Variants in PHF13 observed in about 807,000 individuals in gnomAD.
PHF13 encodes the protein PHD zinc finger protein PHF5.
Under a neutral mutation model 25.8 loss-of-function variants are expected in PHF13, and 1 was observed. That is an observed-to-expected ratio of 0.04 (90% CI 0.01 to 0.18). The LOEUF (loss-of-function observed/expected upper bound fraction) is 0.18, where lower values mean the gene tolerates loss of function less well. Ranked by LOEUF, PHF13 falls within the 10% of genes least tolerant of loss-of-function variation. PHF13 has a pLI of 1.00. For synonymous variants in PHF13, 195 were observed against 162.4 expected, an observed-to-expected ratio of 1.20 and a Z score of -1.53; for missense variants, 306 against 403.2, an observed-to-expected ratio of 0.76 and a Z score of 2.06.
intron 3 of PHF13, 144 bp downstream of exon 3, chr1:6,620,481 C>A: frequency 1.1e-6 from 1 of 951,688 alleles, no homozygotes; most frequent in Non-Finnish European, 1.5e-6. Context: ...AGGAGAAAAG[C>A]TGCAGGAATG....
Position 6,622,162 on chromosome 1 carries a change from C to G in PHF13, c.*525C>G, listed in dbSNP as rs1247049897. 3 of 170,582 alleles carry G rather than the reference C, an allele frequency of 1.8e-5. No individual in the cohort carries two copies. The highest frequency in any genetic ancestry group is 7.1e-5 in the African/African-American group (3 of 42,098). 10.6% of individuals were successfully genotyped at this position (170,582 alleles called of 1,614,324 possible). ...GCCCTCTGCCTGCCTCAGCTGCTGC[C>G]TGACCGGCTGGGGGAGGCACTGGCG... is the stretch of plus-strand genomic sequence containing the variant. On this transcript the variant is annotated 3_prime_UTR_variant, in exon 4 of 4. Transcript: ENST00000377648.
intron 1 of PHF13, among the ~76,000 whole-genome samples, chr1:6,616,421 GTTAT>G (rs1046790452): frequency 1.3e-5 from 2 of 152,204 alleles, no homozygotes; most frequent in East Asian, 1.9e-4. Context: ...CAAAAAAGTA[GTTAT>G]TAGAGCTTCG....
chr1:6,616,501 C>T (rs1020148617), intron 1 of PHF13, among the ~76,000 whole-genome samples: 1 of 152,184 alleles, frequency 6.6e-6, no homozygotes, highest in Non-Finnish European at 1.5e-5. Flanking sequence ...AAGAAATAGA[C>T]TTTTGTAGAA....
intron 2 of PHF13, among the ~76,000 whole-genome samples, chr1:6,617,855 T>G (rs1641283893): frequency 6.6e-6 from 1 of 152,228 alleles, no homozygotes; most frequent in East Asian, 1.9e-4. Flanking sequence ...CTGAGGAAAC[T>G]AAGGCATAGA....
intron 2 of PHF13, 95 bp from the exon 3 acceptor site, chr1:6,619,708 T>G (rs575979263): frequency 7.8e-7 from 1 of 1,278,778 alleles, no homozygotes; most frequent in South Asian, 1.4e-5. Context: ...TGCAGATGTC[T>G]CTGGAGGTCT....
At chr1:6,619,253 C>T (rs1361182821) in intron 2 of PHF13, among the ~76,000 whole-genome samples, 1 of 152,190 alleles carries the variant, frequency 6.6e-6, no homozygotes, top group Non-Finnish European at 1.5e-5. Flanking sequence ...ACCTGTTGCA[C>T]ACTGATGAAT....
rs116985105 is a variant in PHF13 at position 6,616,842 on chromosome 1, T to C, written c.125T>C (p.Ile42Thr). ...CTFVLAYAGYIPYPKEELPLR... is the reference protein window; with the variant it reads ...CTFVLAYAGYTPYPKEELPLR... ...TTTGTCTTGGCCTATGCTGGCTACA[T>C]CCCTTATCCGAAGGAGGTAATCTTC... is the stretch of plus-strand genomic sequence containing the variant. The change falls in exon 2 of 4, where the codon ATC (isoleucine) becomes ACC (threonine). Residue 42 changes from isoleucine to threonine, a missense_variant. Physicochemically the swap from Ile to Thr is moderately conservative, Grantham distance 89 (BLOSUM62 -1). Transcript: ENST00000377648. 1 of 1,613,834 alleles carries C rather than the reference T, an allele frequency of 6.2e-7. No individual in the cohort carries two copies. Among genetic ancestry groups the C allele is most frequent in the Non-Finnish European group, 8.5e-7 (1 of 1,179,826 alleles).
chr1:6,614,375 G>A (rs1641220902), intron 1 of PHF13: 2 of 452,078 alleles, frequency 4.4e-6, no homozygotes, highest in Non-Finnish European at 7.8e-6. Flanking sequence ...TCTCTCCCCC[G>A]GGCCGCCCCT....
chr1:6,616,668 C>A, intron 1 of PHF13, 89 bp from the exon 2 acceptor site: 1 of 1,122,940 alleles, frequency 8.9e-7, no homozygotes, highest in Non-Finnish European at 1.4e-6. Flanking sequence ...TGATTGACTA[C>A]AAAAGTTCCA....
intron 1 of PHF13, among the ~76,000 whole-genome samples, chr1:6,615,119 G>T: frequency 6.6e-6 from 1 of 151,256 alleles, no homozygotes; most frequent in Non-Finnish European, 1.5e-5. Context: ...TCTGCTTTCC[G>T]AGGAGGCGGC....
rs1388429940 is a variant in PHF13, at chr1:6,622,443, C to T, written c.*806C>T. 6.6e-6 allele frequency: 1 copy of T among 152,380 alleles called. No individual in the cohort carries two copies. The highest frequency in any genetic ancestry group is 1.9e-4 in the East Asian group (1 of 5,166). The allele number at this position is 152,380 out of a possible 1,614,324, so 9.4% of individuals were successfully genotyped here. A position where few individuals can be genotyped will look rare whatever the true frequency, so the allele number is the denominator to read the frequency against. Reference sequence around the variant, plus strand: ...TGCCCTCTTAGTTGGTGTGTGAGGTCTTGGTGGGCTCAGGCCAGCTGTTTG... The same window carrying T: ...TGCCCTCTTAGTTGGTGTGTGAGGTTTTGGTGGGCTCAGGCCAGCTGTTTG... On this transcript the variant is annotated 3_prime_UTR_variant, in exon 4 of 4. Coordinates refer to ENST00000377648, the MANE Select transcript of PHF13 (RefSeq NM_153812.3).
intron 1 of PHF13, chr1:6,614,411 C>G (rs1031037657): frequency 5.2e-6 from 2 of 387,666 alleles, no homozygotes; most frequent in Non-Finnish European, 9.4e-6. Context: ...GACCTGGGAC[C>G]TGTCGGCGCC....
chr1:6,614,004 C>T lies in PHF13; in HGVS notation c.-63C>T. ...AGCCGCCCGAGCCCCCAGCCCCGGG[C>T]GGCCCCGCTCCAGCATCCCAGCTCC... On this transcript the variant is annotated 5_prime_UTR_variant, in exon 1 of 4. Transcript: ENST00000377648. 3.7e-6 allele frequency: 5 copies of T among 1,346,312 alleles called. No individual in the cohort carries two copies. The highest frequency in any genetic ancestry group is 2.5e-5 in the South Asian group (2 of 80,464). 83.4% of individuals were successfully genotyped at this position (1,346,312 alleles called of 1,614,324 possible).
chr1:6,614,989 C>G (rs1480551533), intron 1 of PHF13, among the ~76,000 whole-genome samples: 1 of 151,448 alleles, frequency 6.6e-6, no homozygotes, highest in Non-Finnish European at 1.5e-5. Context: ...GCCTGGGACC[C>G]CGGAATCCTG....
Position 6,616,846 on chromosome 1 carries a change from T to G in PHF13, c.129T>G (p.Pro43=), listed in dbSNP as rs982523799. The G allele has an allele frequency of 3.1e-6, 5 of 1,613,754 alleles. No homozygotes were observed. The highest frequency in any genetic ancestry group is 3.4e-6 in the Non-Finnish European group (4 of 1,179,634). The change falls in exon 2 of 4, where the codon CCT becomes CCG. Residue 43 remains proline (P), a synonymous_variant. Coordinates refer to ENST00000377648, the MANE Select transcript of PHF13 (RefSeq NM_153812.3). ...TCTTGGCCTATGCTGGCTACATCCC[T>G]TATCCGAAGGAGGTAATCTTCTGAG... ...TFVLAYAGYI[P]YPKEELPLRS...
rs761285721 is a variant in PHF13 at position 6,620,167 on chromosome 1, C to T, written c.506C>T (p.Ser169Leu). 2.4e-5 allele frequency: 39 copies of T among 1,613,900 alleles called. No individual in the cohort carries two copies. The highest frequency in any genetic ancestry group is 6.7e-5 in the East Asian group (3 of 44,870). ...CCCCAGGCTCCCAGCGACCCCTGCT[C>T]GGGCTGGGACTCCGATACTCCCTCG... ...DIPQAPSDPC[S>L]GWDSDTPSSG... Residue 169 changes from serine (S) to leucine (L), a missense_variant, in exon 3 of 4, where the codon TCG (serine) becomes TTG (leucine). Transcript: ENST00000377648.
Position 6,623,120 on chromosome 1 carries a change from G to T in PHF13, c.*1483G>T, listed in dbSNP as rs142416390. ...CTGCTGGGGGCTTCCCCTTCATGTG[G>T]CACCTTTGTGCCAGGCCACCAGGCA... On this transcript the variant is annotated 3_prime_UTR_variant, in exon 4 of 4. Transcript: ENST00000377648. The T allele has an allele frequency of 6.6e-6, 1 of 152,308 alleles. No homozygotes were observed. The highest frequency in any genetic ancestry group is 1.9e-4 in the East Asian group (1 of 5,184). The allele number at this position is 152,308 out of a possible 1,614,324, so 9.4% of individuals were successfully genotyped here.
chr1:6,621,920 C>T lies in PHF13; in HGVS notation c.*283C>T. On this transcript the variant is annotated 3_prime_UTR_variant, in exon 4 of 4. Transcript: ENST00000377648. The surrounding 1 kb of genome is among the most constrained non-coding windows in gnomAD (Gnocchi z 4.8). The stretch of plus-strand genomic sequence containing the variant: ...GTTTGGCTCATTTGAAAATGAGGGT[C>T]CGTGGTAGCTGTGCGTTTTGCTATC... The T allele has an allele frequency of 4.0e-6, 2 of 500,348 alleles. No homozygotes were observed. Among genetic ancestry groups the T allele is most frequent in the South Asian group, 4.3e-5 (2 of 46,894 alleles). 31.0% of individuals were successfully genotyped at this position (500,348 alleles called of 1,614,324 possible).
intron 2 of PHF13, 74 bp downstream of exon 2, chr1:6,616,932 T>C: frequency 1.5e-6 from 2 of 1,300,586 alleles, no homozygotes; most frequent in Non-Finnish European, 1.1e-6. Context: ...GTTCGTGGGC[T>C]TCTGACTGGT....
Sources: allele counts gnomAD v4.1 joint callset (sites outside exome capture counted in the v4.1 genomes callset), GRCh38; gene constraint gnomAD v4.1.1; non-coding constraint Gnocchi (gnomAD v3.1); transcripts MANE v1.5; gene names NCBI Gene and HGNC (gene_info 2026-07-23, HGNC 2026-07-21).